The following SLC35F1 variants were observed in gnomAD, a reference collection of about 807,000 sequenced individuals.
SLC35F1 encodes solute carrier family 35 member F1.
SLC35F1 carries 14 observed loss-of-function variants against 48.7 expected under a neutral mutation model. That is an observed-to-expected ratio of 0.29 (90% CI 0.19 to 0.45). The LOEUF is 0.45. Ranked by LOEUF, SLC35F1 falls within the 20% of genes least tolerant of loss-of-function variation. The pLI is 1.00. For missense variants in SLC35F1, 404 were observed against 500.0 expected (o/e 0.81, Z 1.83); for synonymous variants, 190 against 202.2 (o/e 0.94, Z 0.51).
At chr6:117,925,388 G>A (rs1289923548) in intron 1 of SLC35F1, among the ~76,000 whole-genome samples, 1 of 152,110 alleles carries the variant, frequency 6.6e-6, no homozygotes, top group East Asian at 1.9e-4. Flanking sequence ...TGACCATGAA[G>A]GAAACCAGCA....
At chr6:118,110,895 G>A (rs1043173573) in intron 1 of SLC35F1, among the ~76,000 whole-genome samples, 10 of 152,114 alleles carry the variant, frequency 6.6e-5, no homozygotes, top group African/African-American at 2.4e-4. Context: ...AGAGGGTGCT[G>A]AAGTTGGCTT....
chr6:118,227,823 G>C (rs1385835990), intron 2 of SLC35F1, among the ~76,000 whole-genome samples: 1 of 152,192 alleles, frequency 6.6e-6, no homozygotes, highest in Non-Finnish European at 1.5e-5. Flanking sequence ...CATTTAGACT[G>C]GATCTTGAAG....
chr6:118,216,465 C>CAAAAAAAAAAA (rs55750771), intron 2 of SLC35F1, among the ~76,000 whole-genome samples: 1 of 139,092 alleles, frequency 7.2e-6, no homozygotes, highest in African/African-American at 2.7e-5. Flanking sequence ...ACCCCCACTT[C>CAAAAAAAAAAA]AAAAAAAAAA....
intron 1 of SLC35F1, among the ~76,000 whole-genome samples, chr6:117,983,668 C>T (rs1311098818): frequency 6.6e-6 from 1 of 152,184 alleles, no homozygotes; most frequent in Non-Finnish European, 1.5e-5. Context: ...TCCTGATCCA[C>T]AGAACTTTCC....
intron 4 of SLC35F1, among the ~76,000 whole-genome samples, chr6:118,268,741 C>A (rs1775811572): frequency 6.6e-6 from 1 of 151,012 alleles, no homozygotes; most frequent in South Asian, 2.1e-4. Context: ...TCCCAAGTAG[C>A]TGGGATTACA....
intron 1 of SLC35F1, among the ~76,000 whole-genome samples, chr6:117,972,173 G>A (rs1776650869): frequency 6.6e-6 from 1 of 152,152 alleles, no homozygotes; most frequent in African/African-American, 2.4e-5. Flanking sequence ...GGGTCAAAAT[G>A]CCACCAGTCT....
At chr6:118,194,457 CCTCAT>C (rs1774773723) in intron 2 of SLC35F1, among the ~76,000 whole-genome samples, 1 of 152,082 alleles carries the variant, frequency 6.6e-6, no homozygotes, top group Non-Finnish European at 1.5e-5. Context: ...AAGATGGAGG[CCTCAT>C]CTATTTTTTT....
rs775889962 is a variant in SLC35F1 at position 118,275,478 on chromosome 6, G to T, written c.657G>T (p.Gly219=). 4 of 1,612,702 alleles carry T rather than the reference G, an allele frequency of 2.5e-6. No homozygotes were observed. The highest frequency in any genetic ancestry group is 3.4e-6 in the Non-Finnish European group (4 of 1,179,288). Reference sequence around the variant, plus strand: ...TCCTAGGGGAAAATAAGCTGGTAGGGGACCTTCTGGTCTTAGGAGGAGCCA... The same window carrying T: ...TCCTAGGGGAAAATAAGCTGGTAGGTGACCTTCTGGTCTTAGGAGGAGCCA... ...HQGAGENKLV[G]DLLVLGGATL... The change falls in exon 5 of 8, where the codon GGG becomes GGT. Residue 219 remains glycine (G), a synonymous_variant. Coordinates refer to ENST00000360388, the MANE Select transcript of SLC35F1 (RefSeq NM_001029858.4).
At chr6:118,108,004 G>A (rs1370673361) in intron 1 of SLC35F1, among the ~76,000 whole-genome samples, 2 of 152,046 alleles carry the variant, frequency 1.3e-5, no homozygotes, top group Non-Finnish European at 2.9e-5. Context: ...CCTACTCAGA[G>A]GTGCCATTCT....
chr6:118,224,015 C>T (rs1775184348), intron 2 of SLC35F1, among the ~76,000 whole-genome samples: 2 of 152,178 alleles, frequency 1.3e-5, no homozygotes, highest in Non-Finnish European at 2.9e-5. Flanking sequence ...AAGCCAATTA[C>T]AGGAAACTTC....
chr6:118,148,322 C>A (rs1249059775), intron 1 of SLC35F1, among the ~76,000 whole-genome samples: 2 of 152,092 alleles, frequency 1.3e-5, no homozygotes, highest in Non-Finnish European at 2.9e-5. Flanking sequence ...ATTCTTCATA[C>A]CTTTTAAAAG....
At chr6:118,094,828 C>G (rs1773126107) in intron 1 of SLC35F1, among the ~76,000 whole-genome samples, 1 of 151,958 alleles carries the variant, frequency 6.6e-6, no homozygotes, top group African/African-American at 2.4e-5. Context: ...TTTAGCTGGG[C>G]ATGGTGAGGC....
At chr6:118,118,013 G>T (rs113821966) in intron 1 of SLC35F1, among the ~76,000 whole-genome samples, 71 of 152,062 alleles carry the variant, frequency 4.7e-4, no homozygotes, top group African/African-American at 1.4e-3. Flanking sequence ...GCAGTTTTTG[G>T]CTGTTATGAA....
At chr6:118,210,019 A>C (rs1323929733) in intron 2 of SLC35F1, among the ~76,000 whole-genome samples, 1 of 152,178 alleles carries the variant, frequency 6.6e-6, no homozygotes, top group Admixed American at 6.5e-5. Flanking sequence ...AGTTATCTTT[A>C]TTTTATAATT....
intron 2 of SLC35F1, among the ~76,000 whole-genome samples, chr6:118,176,935 A>C (rs1458911558): frequency 6.6e-6 from 1 of 152,046 alleles, no homozygotes; most frequent in Non-Finnish European, 1.5e-5. Context: ...AAAAGGGATC[A>C]ATTGATTTTC....
At chr6:118,065,371 T>G (rs1772597720) in intron 1 of SLC35F1, among the ~76,000 whole-genome samples, 1 of 152,190 alleles carries the variant, frequency 6.6e-6, no homozygotes, top group African/African-American at 2.4e-5. Context: ...TTTTGGTGGC[T>G]GATGGACTTA....
chr6:118,195,147 A>C (rs1774784350), intron 2 of SLC35F1, among the ~76,000 whole-genome samples: 1 of 152,114 alleles, frequency 6.6e-6, no homozygotes, highest in South Asian at 2.1e-4. Flanking sequence ...TACTGAGGGG[A>C]GGGCCTCTAA....
intron 3 of SLC35F1, among the ~76,000 whole-genome samples, chr6:118,263,336 G>A (rs1444548076): frequency 6.6e-6 from 1 of 152,150 alleles, no homozygotes; most frequent in Non-Finnish European, 1.5e-5. Context: ...GATTACAGGT[G>A]TGAGCCACTG....
intron 1 of SLC35F1, among the ~76,000 whole-genome samples, chr6:117,930,630 G>A (rs956334286): frequency 3.3e-5 from 5 of 152,112 alleles, no homozygotes; most frequent in African/African-American, 4.8e-5. Flanking sequence ...CCTAATGCTC[G>A]TATCACTTCA....
Sources: gnomAD v4.1 joint callset for allele counts (sites outside exome capture counted in the v4.1 genomes callset) on GRCh38, gnomAD v4.1.1 for gene constraint, MANE v1.5 for transcripts, NCBI Gene and HGNC (gene_info 2026-07-23, HGNC 2026-07-21) for gene names.